RNF19A: variants seen among roughly 807,000 people sequenced by gnomAD.
RNF19A encodes the protein ring finger protein 19A, RBR E3 ubiquitin protein ligase.
Under a neutral mutation model 75.7 loss-of-function variants are expected in RNF19A, and 32 were observed. The ratio of observed to expected loss-of-function variants is 0.42; its 90% CI spans 0.32 to 0.57. RNF19A has a LOEUF of 0.57. RNF19A is among the 20% of genes least tolerant of loss of function. The probability of loss-of-function intolerance (pLI) is 0.10; values close to 1 mark genes in which losing one functional copy is unlikely to be tolerated. For missense variants in RNF19A, 782 were observed against 1,036.3 expected (o/e 0.75, Z 3.37); for synonymous variants, 335 against 345.2 (o/e 0.97, Z 0.33).
intron 1 of RNF19A, among the ~76,000 whole-genome samples, chr8:100,299,490 T>G (rs1344995206): frequency 6.6e-6 from 1 of 152,230 alleles, no homozygotes; most frequent in Non-Finnish European, 1.5e-5. Context: ...CCGGGTGCGG[T>G]GGCTCACGCC....
Position 100,323,024 on chromosome 8 carries a change from G to A in RNF19A, c.-242-9652C>T, listed in dbSNP as rs1245976678. On this transcript the variant is annotated intron_variant, in intron 1 of 3. Coordinates refer to the RNF19A transcript ENST00000519527. This position sits in a 1 kb window ranked among gnomAD's most constrained non-coding sequence, Gnocchi z 4.6. Reference sequence around the variant, plus strand: ...AAAATACGACACAGAGGCATGAAATGAGCACAGGCTGCCGAAAAATGTTGC... The same window carrying A: ...AAAATACGACACAGAGGCATGAAATAAGCACAGGCTGCCGAAAAATGTTGC... Among the ~76,000 whole-genome samples the A allele has an allele frequency of 6.6e-6, 1 of 152,152 alleles. No homozygotes were observed. Among genetic ancestry groups the A allele is most frequent in the Admixed American group, 6.5e-5 (1 of 15,278 alleles).
At position 100,275,389 on chromosome 8, in the gene RNF19A, G is replaced by T. The variant is rs1041359610; in HGVS notation, c.675-228C>A. 2.1e-5 allele frequency among the ~76,000 whole-genome samples: 3 copies of T among 146,034 alleles called. No homozygotes were observed. Among genetic ancestry groups the T allele is most frequent in the Admixed American group, 1.4e-4 (2 of 14,608 alleles). ...AAAAGTTCAATTTTTAACTTTCAGG[G>T]TTTTTTTTTTAGGTTCAGGGTTTTT... On this transcript the variant is annotated intron_variant, in intron 2 of 9. Coordinates refer to ENST00000341084, the MANE Select transcript of RNF19A (RefSeq NM_183419.4). The surrounding 1 kb of genome is among the most constrained non-coding windows in gnomAD (Gnocchi z 4.3).
chr8:100,276,745 A>C (rs1820538425), intron 2 of RNF19A, among the ~76,000 whole-genome samples: 1 of 150,380 alleles, frequency 6.6e-6, no homozygotes. Context: ...AAAAAAAAAG[A>C]AAAAAAGGAG....
At chr8:100,280,685 T>C (rs1820742389) in intron 2 of RNF19A, among the ~76,000 whole-genome samples, 1 of 152,250 alleles carries the variant, frequency 6.6e-6, no homozygotes, top group Non-Finnish European at 1.5e-5. Context: ...CACTAACACT[T>C]ATTGAGTGCT....
intron 5 of RNF19A, among the ~76,000 whole-genome samples, chr8:100,267,344 C>T (rs1418049540): frequency 2.0e-5 from 3 of 152,028 alleles, no homozygotes; most frequent in Non-Finnish European, 4.4e-5. Flanking sequence ...ACATACAACA[C>T]CTATGACACA....
rs763134323 is a variant in RNF19A at position 100,259,233 on chromosome 8, T to C, written c.1840A>G (p.Met614Val). 22 of 1,606,592 alleles carry C rather than the reference T, an allele frequency of 1.4e-5. No homozygotes were observed. The Middle Eastern group carries it at 3.3e-3, about 242-fold the overall frequency. Residue 614 changes from methionine (M) to valine (V), a missense_variant, in exon 10 of 10, where the codon ATG becomes GTG. This residue lies in a region of RNF19A where 442 missense variants were observed against 541.6 expected (regional missense o/e 0.82). Transcript: ENST00000341084. The surrounding 1 kb of genome is among the most constrained non-coding windows in gnomAD (Gnocchi z 4.5). ...GACTCAATATCTACTTGCACCTCCA[T>C]ACTGTTGCCTTCTCTGAAATATAAG... ...YIPLDKEGNS[M>V]EVQVDIESKP...
chr8:100,277,329 T>A (rs955268915), intron 2 of RNF19A, among the ~76,000 whole-genome samples: 3 of 152,186 alleles, frequency 2.0e-5, no homozygotes, highest in African/African-American at 7.2e-5. Flanking sequence ...TCTTTTTTTT[T>A]GAGACAGAGT....
At chr8:100,267,154 T>C (rs1820022024) in intron 5 of RNF19A, among the ~76,000 whole-genome samples, 1 of 152,174 alleles carries the variant, frequency 6.6e-6, no homozygotes, top group Admixed American at 6.5e-5. Flanking sequence ...AGTTCCCAAA[T>C]AGCTACTGAA....
intron 2 of RNF19A, among the ~76,000 whole-genome samples, chr8:100,277,788 TA>T (rs1820595793): frequency 7.1e-6 from 1 of 140,682 alleles, no homozygotes; most frequent in African/African-American, 2.7e-5. Context: ...AAAAAGACCC[TA>T]TTTTTTTTAA....
chr8:100,272,140 T>C (rs1820285627), intron 3 of RNF19A, among the ~76,000 whole-genome samples: 1 of 152,092 alleles, frequency 6.6e-6, no homozygotes, highest in African/African-American at 2.4e-5. Context: ...TTTATTTGCA[T>C]AAAATGGGAA....
In RNF19A at chr8:100,258,969, TTTG is replaced by T; in HGVS notation, c.2101_2103del (p.Gln701del). On this transcript the variant is annotated inframe_deletion, in exon 10 of 10. Transcript: ENST00000341084. The surrounding 1 kb of genome is among the most constrained non-coding windows in gnomAD (Gnocchi z 4.3). Reference sequence around the variant, plus strand: ...GCCTCAAATTCACTTGAGTTCGTGCTTTGTTGTTCTAACAACTGTGCATCCATG... The same window carrying T: ...GCCTCAAATTCACTTGAGTTCGTGCTTTGTTCTAACAACTGTGCATCCATG... 6.2e-7 allele frequency: 1 copy of T among 1,614,266 alleles called. No homozygotes were observed. Among genetic ancestry groups the T allele is most frequent in the Non-Finnish European group, 8.5e-7 (1 of 1,180,048 alleles).
At chr8:100,280,174 T>A (rs759058701) in intron 2 of RNF19A, among the ~76,000 whole-genome samples, 1 of 152,194 alleles carries the variant, frequency 6.6e-6, no homozygotes, top group Non-Finnish European at 1.5e-5. Flanking sequence ...GGCCCTTGAT[T>A]GCTAGTTTTT....
upstream of RNF19A, among the ~76,000 whole-genome samples, chr8:100,311,139 C>T (rs1181125357): frequency 6.6e-6 from 1 of 152,212 alleles, no homozygotes; most frequent in East Asian, 1.9e-4. Flanking sequence ...ACCAAGGAGC[C>T]ATGGTCTTTC....
intron 2 of RNF19A, among the ~76,000 whole-genome samples, chr8:100,285,694 G>A (rs1461857114): frequency 1.3e-5 from 2 of 151,546 alleles, no homozygotes; most frequent in South Asian, 2.1e-4. Context: ...GTATAGTGGC[G>A]CAATCACGGC....
chr8:100,267,587 C>T (rs1820044047), intron 5 of RNF19A, among the ~76,000 whole-genome samples: 1 of 151,962 alleles, frequency 6.6e-6, no homozygotes. Flanking sequence ...CCAGGCTGGT[C>T]TTGAACTCCC....
At chr8:100,271,796 T>C (rs1221150485) in intron 3 of RNF19A, among the ~76,000 whole-genome samples, 1 of 152,196 alleles carries the variant, frequency 6.6e-6, no homozygotes, top group East Asian at 1.9e-4. Context: ...AAAAACTTAC[T>C]GTGCACATTA....
intron 1 of RNF19A, among the ~76,000 whole-genome samples, chr8:100,318,491 A>C (rs1822416107): frequency 1.3e-5 from 2 of 152,340 alleles, no homozygotes; most frequent in South Asian, 2.1e-4. Flanking sequence ...CATGCACACA[A>C]AAAAATGGGT....
chr8:100,270,084 A>G (rs1820181790), intron 3 of RNF19A, 71 bp from the exon 4 acceptor site: 3 of 1,259,938 alleles, frequency 2.4e-6, no homozygotes, highest in South Asian at 2.5e-5. Flanking sequence ...CAGTTTACCA[A>G]TTGTAGCACT....
At chr8:100,310,081 A>G, upstream of RNF19A, 18 of 985,412 alleles carry the variant, frequency 1.8e-5, no homozygotes, top group Non-Finnish European at 2.2e-5. Context: ...TGCTCCCGGG[A>G]ACCAGCGCCG....
Sources: gnomAD v4.1 joint callset for allele counts (sites outside exome capture counted in the v4.1 genomes callset) on GRCh38, gnomAD v4.1.1 for gene constraint, gnomAD v4.1.1 regional missense constraint, Gnocchi (gnomAD v3.1) non-coding constraint, MANE v1.5 for transcripts, NCBI Gene and HGNC (gene_info 2026-07-23, HGNC 2026-07-21) for gene names.